The following RNF13 variants were observed in gnomAD, a reference collection of about 807,000 sequenced individuals.
RNF13 encodes ring finger protein 13.
In RNF13, 19 loss-of-function variants were observed where a neutral mutation model predicts 37.7. The ratio of observed to expected loss-of-function variants is 0.50; its 90% CI spans 0.35 to 0.74. The LOEUF (loss-of-function observed/expected upper bound fraction) is 0.74, where lower values mean the gene tolerates loss of function less well. Among genes scored for constraint, RNF13 ranks in the 30% least tolerant of loss-of-function variants. The pLI, the probability that RNF13 is intolerant of heterozygous loss-of-function variation, is 0.01. For missense variants in RNF13, 375 were observed against 453.0 expected, an observed-to-expected ratio of 0.83 and a Z score of 1.56; for synonymous variants, 144 against 157.8, an observed-to-expected ratio of 0.91 and a Z score of 0.65.
chr3:149,911,284 A>G (rs1347391072), intron 6 of RNF13, among the ~76,000 whole-genome samples: 3 of 152,172 alleles, frequency 2.0e-5, no homozygotes, highest in African/African-American at 7.2e-5. Flanking sequence ...ATTGAGGTGG[A>G]GGTTCTTTTT....
intron 8 of RNF13, among the ~76,000 whole-genome samples, chr3:149,957,468 C>T (rs969386497): frequency 6.6e-6 from 1 of 152,106 alleles, no homozygotes; most frequent in Non-Finnish European, 1.5e-5. Context: ...TTTACACTCA[C>T]AGTTTATGGA....
chr3:149,959,166 A>G (rs1722146400), intron 8 of RNF13, among the ~76,000 whole-genome samples: 2 of 152,236 alleles, frequency 1.3e-5, no homozygotes, highest in South Asian at 4.1e-4. Flanking sequence ...AAAAACTCAC[A>G]AAAGTGCTTT....
At chr3:149,928,733 A>G (rs1718895719) in intron 8 of RNF13, among the ~76,000 whole-genome samples, 3 of 152,190 alleles carry the variant, frequency 2.0e-5, no homozygotes, top group African/African-American at 7.2e-5. Context: ...GAATTTTGAT[A>G]GGGATTGTGC....
chr3:149,857,981 T>C (rs1211801381), intron 3 of RNF13, among the ~76,000 whole-genome samples: 1 of 152,160 alleles, frequency 6.6e-6, no homozygotes, highest in African/African-American at 2.4e-5. Flanking sequence ...AATTGCTTGA[T>C]GCCATTCTCT....
Position 149,902,103 on chromosome 3 carries a change from T to C in RNF13, c.441T>C (p.Ser147=). ...TACTAAAGAAAATTGACATTCCATCTGTCTTTATTGGTGAATCATCAGCTA... is the reference window on the plus strand; with the variant it reads ...TACTAAAGAAAATTGACATTCCATCCGTCTTTATTGGTGAATCATCAGCTA... The part of the protein sequence containing the change: ...IEVLKKIDIP[S]VFIGESSANS... The change falls in exon 6 of 10, where the codon TCT becomes TCC. Residue 147 remains serine, a synonymous_variant. Transcript: ENST00000392894. The C allele has an allele frequency of 1.3e-6, 2 of 1,506,814 alleles. No homozygotes were observed. The highest frequency in any genetic ancestry group is 1.8e-6 in the Non-Finnish European group (2 of 1,121,018). 93.3% of individuals were successfully genotyped at this position (1,506,814 alleles called of 1,614,324 possible).
chr3:149,818,207 T>A (rs73870435), intron 1 of RNF13, among the ~76,000 whole-genome samples: 4,544 of 152,298 alleles, frequency 0.03, 82 homozygotes, highest in South Asian at 0.036. Flanking sequence ...AGTACCTTCT[T>A]TGTCAGGCAC....
intron 8 of RNF13, among the ~76,000 whole-genome samples, chr3:149,941,889 A>ATATTTATTTATTTATTTATT (rs58521010): frequency 0.061 from 8,767 of 144,246 alleles, 334 homozygotes; most frequent in Middle Eastern, 0.11. Flanking sequence ...GTCCAGCTTA[A>ATATTTATTTATTTATTTATT]TATTTATTTA....
intron 8 of RNF13, among the ~76,000 whole-genome samples, chr3:149,926,633 C>G (rs1576549171): frequency 6.6e-6 from 1 of 152,108 alleles, no homozygotes; most frequent in South Asian, 2.1e-4. Context: ...TTGTGTAAAA[C>G]TGGAGTCCAA....
chr3:149,856,545 G>A (rs1723669593), intron 3 of RNF13, among the ~76,000 whole-genome samples: 1 of 150,350 alleles, frequency 6.7e-6, no homozygotes, highest in African/African-American at 2.5e-5. Context: ...CTGGGTTCAA[G>A]CCATCCTCCC....
chr3:149,896,949 G>A (rs1715333952), intron 5 of RNF13, among the ~76,000 whole-genome samples: 1 of 152,016 alleles, frequency 6.6e-6, no homozygotes, highest in Admixed American at 6.6e-5. Context: ...AGAAGTTTTA[G>A]CATTTCAGGA....
intron 4 of RNF13, among the ~76,000 whole-genome samples, chr3:149,877,085 C>T (rs1047570945): frequency 2.6e-5 from 4 of 152,068 alleles, no homozygotes; most frequent in African/African-American, 7.2e-5. Flanking sequence ...CGGCCCGTAT[C>T]TTTTATATAC....
intron 4 of RNF13, among the ~76,000 whole-genome samples, chr3:149,888,340 TTA>T (rs1714280340): frequency 6.6e-6 from 1 of 152,206 alleles, no homozygotes; most frequent in African/African-American, 2.4e-5. Context: ...GAACTAAAAT[TTA>T]TGTTATTAAA....
intron 8 of RNF13, among the ~76,000 whole-genome samples, chr3:149,957,626 T>C (rs1420514832): frequency 1.3e-5 from 2 of 152,206 alleles, no homozygotes; most frequent in African/African-American, 2.4e-5. Flanking sequence ...TCCTAGCCAG[T>C]CTTCTACCAT....
At chr3:149,851,092 A>C (rs947933923) in intron 2 of RNF13, 2 of 152,250 alleles carry the variant, frequency 1.3e-5, no homozygotes, top group African/African-American at 4.8e-5. Context: ...TTACAAGCAT[A>C]CAGTGAGAGG....
At chr3:149,867,672 A>C (rs1458611491) in intron 3 of RNF13, among the ~76,000 whole-genome samples, 1 of 151,790 alleles carries the variant, frequency 6.6e-6, no homozygotes, top group Non-Finnish European at 1.5e-5. Context: ...GACTATGTGT[A>C]TCTTTATAGG....
intron 8 of RNF13, among the ~76,000 whole-genome samples, chr3:149,956,477 T>G (rs1203210606): frequency 6.6e-6 from 1 of 152,224 alleles, no homozygotes; most frequent in African/African-American, 2.4e-5. Flanking sequence ...AGTCTTGTTA[T>G]GAAGGGCCAA....
intron 3 of RNF13, among the ~76,000 whole-genome samples, chr3:149,865,654 TG>T (rs1391356132): frequency 6.6e-6 from 1 of 152,126 alleles, no homozygotes; most frequent in East Asian, 1.9e-4. Context: ...TTTGTATTTT[TG>T]TAATTTTGTA....
At chr3:149,905,516 A>G (rs1452403435) in intron 6 of RNF13, among the ~76,000 whole-genome samples, 1 of 150,086 alleles carries the variant, frequency 6.7e-6, no homozygotes, top group Non-Finnish European at 1.5e-5. Flanking sequence ...TTTTTTTTGT[A>G]TTTTGAAATT....
At chr3:149,817,877 A>G (rs1719623779) in intron 1 of RNF13, among the ~76,000 whole-genome samples, 1 of 152,084 alleles carries the variant, frequency 6.6e-6, no homozygotes, top group African/African-American at 2.4e-5. Flanking sequence ...ATTATAAGAA[A>G]AAAAGGAAAA....
Sources: allele counts gnomAD v4.1 joint callset (sites outside exome capture counted in the v4.1 genomes callset), GRCh38; gene constraint gnomAD v4.1.1; transcripts MANE v1.5; gene names NCBI Gene and HGNC (gene_info 2026-07-23, HGNC 2026-07-21).